CTNNA3: variants seen among roughly 807,000 people sequenced by gnomAD.
The protein encoded by CTNNA3 is catenin alpha-3.
Under a neutral mutation model 95.7 loss-of-function variants are expected in CTNNA3, and 76 were observed. That is an observed-to-expected ratio of 0.79 (90% CI 0.66 to 0.96). CTNNA3 has a LOEUF of 0.96. Ranked by LOEUF, CTNNA3 falls within the 40% of genes least tolerant of loss-of-function variation. CTNNA3 has a pLI of 0.00. For missense variants in CTNNA3, 1,191 were observed against 1,089.8 expected, an observed-to-expected ratio of 1.09 and a Z score of -1.31; for synonymous variants, 431 against 374.4, an observed-to-expected ratio of 1.15 and a Z score of -1.74.
At position 66,587,493 on chromosome 10, in the gene CTNNA3, G is replaced by A. The variant is rs141980730; in HGVS notation, c.1374+34199C>T. On this transcript the variant is annotated intron_variant, in intron 10 of 17. Transcript: ENST00000433211. ...TTGCACTGTGCTACCAGGGCAGGTG[G>A]AGGGGCAAAGCTGGGTATGGGCTAG... Among the ~76,000 whole-genome samples, 767 of 152,232 alleles carry A rather than the reference G, an allele frequency of 5.0e-3. 3 individuals carry two copies. Among genetic ancestry groups the A allele is most frequent in the Admixed American group, 7.9e-3 (120 of 15,286 alleles).
At chr10:66,849,238 A>G (rs974476704) in intron 7 of CTNNA3, among the ~76,000 whole-genome samples, 4 of 152,190 alleles carry the variant, frequency 2.6e-5, no homozygotes, top group East Asian at 1.9e-4. Flanking sequence ...AAGATATGCA[A>G]ATTTTTCCAG....
chr10:66,654,620 A>G (rs1010256802), intron 9 of CTNNA3, among the ~76,000 whole-genome samples: 1 of 152,068 alleles, frequency 6.6e-6, no homozygotes, highest in Admixed American at 6.5e-5. Context: ...TCCAAATGGT[A>G]TGAAATTAGT....
intron 7 of CTNNA3, among the ~76,000 whole-genome samples, chr10:66,975,569 C>T (rs954025239): frequency 1.3e-5 from 2 of 152,170 alleles, no homozygotes; most frequent in African/African-American, 4.8e-5. Flanking sequence ...TTTGACTTAT[C>T]TTGCACTATC....
rs1303775662 is a variant in CTNNA3 at position 67,727,028 on chromosome 10, T to A, written c.-2+36406A>T. Among the ~76,000 whole-genome samples, 28 of 114,482 alleles carry A rather than the reference T, an allele frequency of 2.4e-4. No homozygotes were observed. In the East Asian group the frequency reaches 6.2e-3, roughly 25 times the overall value. The allele number at this position is 114,482 out of a possible 152,430, so 75.1% of individuals were successfully genotyped here. A position where few individuals can be genotyped will look rare whatever the true frequency, so the allele number is the denominator to read the frequency against. ...ATATGATACATATATGATATAATTATATATAATATATGATACATATATGAT... is the reference window on the plus strand; with the variant it reads ...ATATGATACATATATGATATAATTAAATATAATATATGATACATATATGAT... On this transcript the variant is annotated intron_variant, in intron 1 of 17. Transcript: ENST00000684154.
intron 1 of CTNNA3, among the ~76,000 whole-genome samples, chr10:67,712,033 G>A (rs1275790153): frequency 1.3e-5 from 2 of 151,774 alleles, no homozygotes; most frequent in African/African-American, 4.8e-5. Context: ...CCCATTACTG[G>A]GTATATACCC....
At chr10:66,276,674 A>T (rs1452572354) in intron 13 of CTNNA3, among the ~76,000 whole-genome samples, 1 of 152,072 alleles carries the variant, frequency 6.6e-6, no homozygotes, top group East Asian at 1.9e-4. Context: ...TTGATTTAGG[A>T]CTTTGCCCTT....
intron 7 of CTNNA3, among the ~76,000 whole-genome samples, chr10:67,127,701 G>A (rs1266292104): frequency 6.6e-6 from 1 of 152,148 alleles, no homozygotes; most frequent in African/African-American, 2.4e-5. Flanking sequence ...ACCAGGTACA[G>A]TCAAGCTCCT....
At chr10:67,697,776 AT>A (rs1840995415), upstream of CTNNA3, among the ~76,000 whole-genome samples, 1 of 152,166 alleles carries the variant, frequency 6.6e-6, no homozygotes, top group African/African-American at 2.4e-5. Flanking sequence ...TCATAAAAAT[AT>A]CTGCAGCCTC....
intron 7 of CTNNA3, among the ~76,000 whole-genome samples, chr10:66,881,267 T>C (rs1844842876): frequency 1.3e-5 from 2 of 152,124 alleles, no homozygotes; most frequent in African/African-American, 4.8e-5. Context: ...CCAAATAATC[T>C]GAGTTAAATG....
chr10:67,310,129 C>T (rs1465934240), intron 5 of CTNNA3, among the ~76,000 whole-genome samples: 1 of 152,050 alleles, frequency 6.6e-6, no homozygotes, highest in Admixed American at 6.6e-5. Flanking sequence ...TAAGGGAAGG[C>T]AAAGCTTAAA....
At chr10:65,972,113 T>C (rs953812775) in intron 16 of CTNNA3, among the ~76,000 whole-genome samples, 3 of 152,082 alleles carry the variant, frequency 2.0e-5, no homozygotes, top group African/African-American at 4.8e-5. Flanking sequence ...ACAACATCCC[T>C]TCATGATAAA....
intron 1 of CTNNA3, among the ~76,000 whole-genome samples, chr10:67,671,046 C>T (rs532201250): frequency 1.3e-5 from 2 of 152,188 alleles, no homozygotes; most frequent in East Asian, 3.9e-4. Context: ...TGCATGTTTG[C>T]TCACTCAGCA....
At chr10:67,231,101 G>A (rs952191813) in intron 5 of CTNNA3, among the ~76,000 whole-genome samples, 12 of 152,160 alleles carry the variant, frequency 7.9e-5, no homozygotes, top group African/African-American at 2.9e-4. Context: ...CTGGGGGAGG[G>A]GCGCCCGCCA....
At chr10:67,038,181 G>A (rs116068227) in intron 7 of CTNNA3, among the ~76,000 whole-genome samples, 1,839 of 152,050 alleles carry the variant, frequency 0.012, 47 homozygotes, top group African/African-American at 0.042. Flanking sequence ...AAATTCAGTT[G>A]GATAATCCTC....
chr10:66,849,745 A>G (rs539727632), intron 7 of CTNNA3, among the ~76,000 whole-genome samples: 1 of 152,138 alleles, frequency 6.6e-6, no homozygotes, highest in Admixed American at 6.6e-5. Flanking sequence ...GCATGGTCCT[A>G]CAGATACCTT....
chr10:67,033,805 C>G (rs891420923), intron 7 of CTNNA3, among the ~76,000 whole-genome samples: 6 of 152,126 alleles, frequency 3.9e-5, no homozygotes, highest in African/African-American at 1.4e-4. Flanking sequence ...AAGTCTCACT[C>G]TGTCGCCCAG....
chr10:66,159,434 G>A (rs1052318259), intron 13 of CTNNA3, among the ~76,000 whole-genome samples: 1 of 151,784 alleles, frequency 6.6e-6, no homozygotes, highest in African/African-American at 2.4e-5. Context: ...TTTTATTTTT[G>A]ATTCTGTTTA....
At chr10:66,587,881 G>A (rs538581141) in intron 10 of CTNNA3, among the ~76,000 whole-genome samples, 1 of 152,308 alleles carries the variant, frequency 6.6e-6, no homozygotes, top group African/African-American at 2.4e-5. Context: ...TGAAGCAGGA[G>A]TGCCCAGCTC....
chr10:66,678,324 C>A lies in CTNNA3; in HGVS notation c.1282-56540G>T, dbSNP rs543847431. 3.9e-5 allele frequency among the ~76,000 whole-genome samples: 6 copies of A among 152,222 alleles called. No homozygotes were observed. The South Asian group carries it at 1.2e-3, about 32-fold the overall frequency. ...CCTTTACTAGCCTTTCCCCTATTCCCTACCTGCAGTCTTTTCAAGATCCTT... is the reference window on the plus strand; with the variant it reads ...CCTTTACTAGCCTTTCCCCTATTCCATACCTGCAGTCTTTTCAAGATCCTT... On this transcript the variant is annotated intron_variant, in intron 9 of 17. Coordinates refer to ENST00000433211, the MANE Select transcript of CTNNA3 (RefSeq NM_013266.4).
Sources: allele counts gnomAD v4.1 joint callset (sites outside exome capture counted in the v4.1 genomes callset), GRCh38; gene constraint gnomAD v4.1.1; transcripts MANE v1.5; gene names NCBI Gene and HGNC (gene_info 2026-07-23, HGNC 2026-07-21).